Variants in TENM3 observed in about 807,000 individuals in gnomAD.
TENM3 encodes the protein teneurin transmembrane protein 3.
In TENM3, 63 loss-of-function variants were observed where a neutral mutation model predicts 255.1. The observed-to-expected ratio is 0.25, with a 90% CI of 0.20 to 0.30. The LOEUF (loss-of-function observed/expected upper bound fraction) is 0.30. TENM3 is among the 10% of genes least tolerant of loss of function. The pLI, the probability that TENM3 is intolerant of heterozygous loss-of-function variation, is 1.00. For synonymous variants in TENM3, 1,306 were observed against 1,322.3 expected (o/e 0.99, Z 0.27); for missense variants, 2,929 against 3,461.1 (o/e 0.85, Z 3.86).
At chr4:182,758,609 C>T (rs947924081) in intron 22 of TENM3, among the ~76,000 whole-genome samples, 3 of 152,126 alleles carry the variant, frequency 2.0e-5, no homozygotes, top group Non-Finnish European at 4.4e-5. Context: ...GGTGAACTGG[C>T]CGACTCCCAG....
At chr4:181,997,557 G>C in the TENM3 span, among the ~76,000 whole-genome samples, 1 of 151,358 alleles carries the variant, frequency 6.6e-6, no homozygotes, top group Non-Finnish European at 1.5e-5. Flanking sequence ...AAAACACCAG[G>C]CAGGAGGGAA....
chr4:181,850,645 T>C, the TENM3 span, among the ~76,000 whole-genome samples: 1 of 152,292 alleles, frequency 6.6e-6, no homozygotes, highest in South Asian at 2.1e-4. Flanking sequence ...TATATTCTCC[T>C]TACGTGTTTT....
At chr4:181,859,806 A>G in the TENM3 span, among the ~76,000 whole-genome samples, 1 of 152,148 alleles carries the variant, frequency 6.6e-6, no homozygotes, top group Non-Finnish European at 1.5e-5. Flanking sequence ...TACTTGTGTG[A>G]TATCTGAATA....
At chr4:181,857,906 G>C in the TENM3 span, among the ~76,000 whole-genome samples, 1 of 152,188 alleles carries the variant, frequency 6.6e-6, no homozygotes, top group African/African-American at 2.4e-5. Context: ...AGGACAGAGA[G>C]AGACATGTGG....
chr4:182,609,567 T>C (rs1748791588), intron 4 of TENM3, among the ~76,000 whole-genome samples: 1 of 152,212 alleles, frequency 6.6e-6, no homozygotes, highest in African/African-American at 2.4e-5. Flanking sequence ...CTTTGTGCTT[T>C]CGTAGCATCT....
chr4:181,874,930 A>G, the TENM3 span, among the ~76,000 whole-genome samples: 1 of 152,232 alleles, frequency 6.6e-6, no homozygotes, highest in South Asian at 2.1e-4. Flanking sequence ...TCCGTCCTGC[A>G]CTGCCTGTTG....
the TENM3 span, among the ~76,000 whole-genome samples, chr4:181,807,201 G>A: frequency 6.6e-6 from 1 of 152,164 alleles, no homozygotes; most frequent in Non-Finnish European, 1.5e-5. Flanking sequence ...TCCTCAACAG[G>A]AGAGAGCACA....
intron 2 of TENM3, among the ~76,000 whole-genome samples, chr4:182,326,683 C>T (rs1763434412): frequency 6.6e-6 from 1 of 151,694 alleles, no homozygotes; most frequent in Non-Finnish European, 1.5e-5. Context: ...CACAAGTGCA[C>T]ACCACCACCA....
At chr4:182,477,794 TTAA>T (rs1170164517) in intron 3 of TENM3, among the ~76,000 whole-genome samples, 14 of 152,310 alleles carry the variant, frequency 9.2e-5, no homozygotes, top group African/African-American at 2.9e-4. Flanking sequence ...ATACTTATTT[TTAA>T]TAATCAAATA....
At chr4:181,857,531 A>G in the TENM3 span, among the ~76,000 whole-genome samples, 2 of 144,810 alleles carry the variant, frequency 1.4e-5, no homozygotes, top group Non-Finnish European at 3.0e-5. Context: ...CCTAGCCAAC[A>G]TAGTGAAACC....
chr4:181,866,583 G>C, the TENM3 span, among the ~76,000 whole-genome samples: 1 of 152,178 alleles, frequency 6.6e-6, no homozygotes, highest in Non-Finnish European at 1.5e-5. Flanking sequence ...ATGTTCAAGA[G>C]AGGCTGCTTT....
intron 1 of TENM3, among the ~76,000 whole-genome samples, chr4:182,308,707 G>A (rs115416224): frequency 0.02 from 3,080 of 152,150 alleles, 90 homozygotes; most frequent in African/African-American, 0.071. Flanking sequence ...TATAGGATAC[G>A]TGTTTCCTAT....
chr4:181,561,812 G>T, the TENM3 span, among the ~76,000 whole-genome samples: 3 of 152,152 alleles, frequency 2.0e-5, no homozygotes, highest in Admixed American at 2.0e-4. Flanking sequence ...CCTAAAAGTA[G>T]AATTTCCTGT....
chr4:182,195,789 T>C (rs556569652), intron 1 of TENM3, among the ~76,000 whole-genome samples: 7 of 152,224 alleles, frequency 4.6e-5, no homozygotes, highest in Admixed American at 2.0e-4. Flanking sequence ...AATAAAAGAT[T>C]TGTACTCGTT....
chr4:182,673,866 C>T (rs1187086542), intron 7 of TENM3, among the ~76,000 whole-genome samples: 1 of 152,224 alleles, frequency 6.6e-6, no homozygotes, highest in Non-Finnish European at 1.5e-5. Context: ...AAAATCCCCT[C>T]ACAACAGCAA....
chr4:182,169,459 A>G (rs907256771), intron 1 of TENM3: 8 of 334,808 alleles, frequency 2.4e-5, no homozygotes, highest in Non-Finnish European at 4.7e-5. Context: ...AAAATATATA[A>G]TTTACTACCA....
chr4:181,625,957 T>C, the TENM3 span, among the ~76,000 whole-genome samples: 1 of 152,208 alleles, frequency 6.6e-6, no homozygotes, highest in East Asian at 1.9e-4. Flanking sequence ...ACTGTGGACA[T>C]TTATTTGCCA....
the TENM3 span, among the ~76,000 whole-genome samples, chr4:181,762,772 A>T: frequency 6.6e-6 from 1 of 152,174 alleles, no homozygotes; most frequent in Non-Finnish European, 1.5e-5. Context: ...TCACTGTTGG[A>T]GTACAGCAAG....
chr4:182,506,093 G>T (rs1480791836), intron 3 of TENM3, among the ~76,000 whole-genome samples: 1 of 152,144 alleles, frequency 6.6e-6, no homozygotes, highest in Non-Finnish European at 1.5e-5. Context: ...ATTATTAAGA[G>T]CTCAGCAAGA....
Sources: gnomAD v4.1 joint callset for allele counts (sites outside exome capture counted in the v4.1 genomes callset) on GRCh38, gnomAD v4.1.1 for gene constraint, MANE v1.5 for transcripts, NCBI Gene and HGNC (gene_info 2026-07-23, HGNC 2026-07-21) for gene names.